Variants in SLC16A1 observed in about 807,000 individuals in gnomAD.
The protein encoded by SLC16A1 is solute carrier family 16 member 1.
SLC16A1 carries 11 observed loss-of-function variants against 32.2 expected under a neutral mutation model. The ratio of observed to expected loss-of-function variants is 0.34; its 90% CI spans 0.21 to 0.56. The LOEUF (loss-of-function observed/expected upper bound fraction) is 0.56, where lower values mean the gene tolerates loss of function less well. Among genes scored for constraint, SLC16A1 ranks in the 20% least tolerant of loss-of-function variants. The pLI, the probability that SLC16A1 is intolerant of heterozygous loss-of-function variation, is 0.87. For missense variants in SLC16A1, 435 were observed against 615.0 expected (o/e 0.71, Z 3.10); for synonymous variants, 231 against 226.8 (o/e 1.02, Z -0.17).
chr1:112,952,232 G>A (rs1649923373), intron 1 of SLC16A1, among the ~76,000 whole-genome samples: 2 of 152,206 alleles, frequency 1.3e-5, no homozygotes, highest in African/African-American at 4.8e-5. Context: ...AGAGAAACCG[G>A]AGGAAAAATG....
intron 1 of SLC16A1, chr1:112,955,224 T>A (rs1168112305): frequency 1.3e-5 from 2 of 151,464 alleles, no homozygotes; most frequent in Non-Finnish European, 2.9e-5. Context: ...AAATATGTCA[T>A]GACAAAGTAA....
chr1:112,943,658 G>A (rs998920130), intron 1 of SLC16A1, among the ~76,000 whole-genome samples: 2 of 151,650 alleles, frequency 1.3e-5, no homozygotes, highest in Admixed American at 6.6e-5. Context: ...CATGGTGGTG[G>A]GCGCCTGTAA....
chr1:112,946,640 G>A (rs562199248), intron 1 of SLC16A1, among the ~76,000 whole-genome samples: 5 of 152,210 alleles, frequency 3.3e-5, no homozygotes, highest in Non-Finnish European at 5.9e-5. Flanking sequence ...TGCAACCTCC[G>A]CCCCTCGGGC....
intron 2 of SLC16A1, among the ~76,000 whole-genome samples, chr1:112,924,667 T>C (rs546366475): frequency 1.3e-5 from 2 of 152,244 alleles, no homozygotes; most frequent in South Asian, 2.1e-4. Context: ...AATTAGGTAA[T>C]CTTGATTAAA....
intron 2 of SLC16A1, among the ~76,000 whole-genome samples, chr1:112,926,443 C>T (rs1168441258): frequency 2.0e-5 from 3 of 152,046 alleles, no homozygotes; most frequent in Non-Finnish European, 2.9e-5. Context: ...ACTAGCTGGG[C>T]GTAGTGGTAC....
chr1:112,917,084 C>T lies in SLC16A1; in HGVS notation c.1228+94G>A, dbSNP rs1330870863. On this transcript the variant is annotated intron_variant, in intron 4 of 4. Transcript: ENST00000369626. The surrounding 1 kb of genome is among the most constrained non-coding windows in gnomAD (Gnocchi z 4.1). The stretch of plus-strand genomic sequence containing the variant: ...ATAAATGAGAAAGATTTATTCTTAC[C>T]CAAATAGCTCACTAATGTTTGCTTT... The T allele has an allele frequency of 6.7e-7, 1 of 1,491,978 alleles. No homozygotes were observed. The highest frequency in any genetic ancestry group is 1.2e-5 in the South Asian group (1 of 85,880). The allele number at this position is 1,491,978 out of a possible 1,614,324, so 92.4% of individuals were successfully genotyped here. A position where few individuals can be genotyped will look rare whatever the true frequency, so the allele number is the denominator to read the frequency against.
chr1:112,953,281 C>A (rs778476140), intron 1 of SLC16A1, among the ~76,000 whole-genome samples: 6 of 151,740 alleles, frequency 4.0e-5, no homozygotes, highest in Non-Finnish European at 7.4e-5. Context: ...CCTGTATCAG[C>A]CTCCCAAGTA....
At chr1:112,933,154 G>C (rs946497514) in intron 1 of SLC16A1, among the ~76,000 whole-genome samples, 1 of 152,094 alleles carries the variant, frequency 6.6e-6, no homozygotes, top group African/African-American at 2.4e-5. Context: ...AAAGATTTCT[G>C]AAGGAACATA....
At chr1:112,951,327 TAAG>T (rs1169567962) in intron 1 of SLC16A1, among the ~76,000 whole-genome samples, 1 of 150,032 alleles carries the variant, frequency 6.7e-6, no homozygotes, top group Non-Finnish European at 1.5e-5. Context: ...GGAGAAATAT[TAAG>T]AAGATTCAGA....
Position 112,934,250 on chromosome 1 carries a change from C to T in SLC16A1, c.-44-4898G>A, listed in dbSNP as rs570001724. Among the ~76,000 whole-genome samples the T allele has an allele frequency of 4.6e-5, 7 of 152,282 alleles. No individual in the cohort carries two copies. In the South Asian group the frequency reaches 1.0e-3, roughly 23 times the overall value. On this transcript the variant is annotated intron_variant, in intron 1 of 4. Transcript: ENST00000369626. The stretch of plus-strand genomic sequence containing the variant: ...AAAGAAAATACTCATTGGAACATTT[C>T]GAATTTTGGATTTTTGGATTAGGGA...
rs886045068 is a variant in SLC16A1 at position 112,917,443 on chromosome 1, G to A, written c.963C>T (p.Asn321=). The change falls in exon 4 of 5, where the codon AAC becomes AAT. Residue 321 remains asparagine (N), a synonymous_variant. Coordinates refer to ENST00000369626, the MANE Select transcript of SLC16A1 (RefSeq NM_003051.4). The surrounding 1 kb of genome is among the most constrained non-coding windows in gnomAD (Gnocchi z 4.1). ...GAATTCGAGGTCTTATTGGCTTTGT[G>A]TTGGCTACAAGTCCCATAGATGGTC... ...VARPSMGLVA[N]TKPIRPRIQY... is the part of the protein sequence containing the mutation. 1 of 1,614,208 alleles carries A rather than the reference G, an allele frequency of 6.2e-7. No individual in the cohort carries two copies. Among genetic ancestry groups the A allele is most frequent in the South Asian group, 1.1e-5 (1 of 91,080 alleles).
In SLC16A1 at chr1:112,914,048, G is replaced by C; in HGVS notation, c.1346C>G (p.Ala449Gly). The stretch of plus-strand genomic sequence containing the variant: ...CTGCTCGTTTGCTTTCTGTTCTTTT[G>C]CCAAAAGTCGATAATTGATGCCCAT... ...IGMGINYRLL[A>G]KEQKANEQKK... Residue 449 changes from alanine to glycine, a missense_variant, in exon 5 of 5, where the codon GCA becomes GGA. By Grantham distance (60) the Ala-to-Gly change is moderately conservative. This residue lies in a region of SLC16A1 where 111 missense variants were observed against 114.7 expected (regional missense o/e 0.97). Transcript: ENST00000369626. The C allele has an allele frequency of 6.2e-7, 1 of 1,613,964 alleles. No individual in the cohort carries two copies. Among genetic ancestry groups the C allele is most frequent in the Non-Finnish European group, 8.5e-7 (1 of 1,180,008 alleles).
chr1:112,925,746 T>A (rs2101630257), intron 2 of SLC16A1, among the ~76,000 whole-genome samples: 1 of 152,306 alleles, frequency 6.6e-6, no homozygotes, highest in South Asian at 2.1e-4. Flanking sequence ...AAAATCTTAA[T>A]TACAAGAAAG....
intron 1 of SLC16A1, among the ~76,000 whole-genome samples, chr1:112,941,749 T>C (rs1649520231): frequency 6.6e-6 from 1 of 152,204 alleles, no homozygotes; most frequent in Non-Finnish European, 1.5e-5. Flanking sequence ...TGTCCTCATC[T>C]CTACTGTGAT....
chr1:112,927,646 T>C (rs185005871), intron 2 of SLC16A1, among the ~76,000 whole-genome samples: 42 of 152,264 alleles, frequency 2.8e-4, no homozygotes, highest in Admixed American at 2.0e-3. Flanking sequence ...TCATTAAAAA[T>C]AGAAAGGGGT....
chr1:112,918,748 A>G (rs1648606853), intron 3 of SLC16A1, among the ~76,000 whole-genome samples: 1 of 152,176 alleles, frequency 6.6e-6, no homozygotes, highest in Admixed American at 6.5e-5. Context: ...GGCTATGGTG[A>G]GCTATGATCA....
chr1:112,944,002 G>A (rs1412614053), intron 1 of SLC16A1, among the ~76,000 whole-genome samples: 1 of 152,096 alleles, frequency 6.6e-6, no homozygotes, highest in East Asian at 1.9e-4. Context: ...GGGAAAGAAA[G>A]AAAGTAAATA....
At chr1:112,927,758 T>A (rs1398967549) in intron 2 of SLC16A1, among the ~76,000 whole-genome samples, 1 of 152,212 alleles carries the variant, frequency 6.6e-6, no homozygotes, top group Non-Finnish European at 1.5e-5. Flanking sequence ...AAGGAAAGTG[T>A]CATGTGCAAC....
At chr1:112,929,656 G>C (rs1239746370) in intron 1 of SLC16A1, among the ~76,000 whole-genome samples, 1 of 151,950 alleles carries the variant, frequency 6.6e-6, no homozygotes, top group East Asian at 1.9e-4. Flanking sequence ...GACCACCCTG[G>C]GCAACATAAG....
Sources: allele counts gnomAD v4.1 joint callset (sites outside exome capture counted in the v4.1 genomes callset), GRCh38; gene constraint gnomAD v4.1.1; regional missense constraint gnomAD v4.1.1; non-coding constraint Gnocchi (gnomAD v3.1); transcripts MANE v1.5; gene names NCBI Gene and HGNC (gene_info 2026-07-23, HGNC 2026-07-21).